DRD3: variants seen among roughly 807,000 people sequenced by gnomAD.
DRD3 encodes dopamine receptor D3.
A neutral mutation model predicts 36.3 loss-of-function variants in DRD3; 19 were observed. The ratio of observed to expected loss-of-function variants is 0.52; its 90% confidence interval spans 0.36 to 0.77. The LOEUF (loss-of-function observed/expected upper bound fraction) is 0.77. DRD3 is among the 30% of genes least tolerant of loss of function. The pLI is 0.00. For missense variants in DRD3, 465 were observed against 505.3 expected (o/e 0.92, Z 0.77); for synonymous variants, 195 against 203.7 (o/e 0.96, Z 0.36).
At chr3:114,133,737 C>A (rs1199345497) in intron 5 of DRD3, among the ~76,000 whole-genome samples, 1 of 7,176 alleles carries the variant, frequency 1.4e-4, no homozygotes, top group Admixed American at 4.1e-3. Context: ...ACTTGAACTT[C>A]TTTTCATGTT....
chr3:114,164,022 A>T (rs1577610786), intron 2 of DRD3, among the ~76,000 whole-genome samples: 1 of 151,886 alleles, frequency 6.6e-6, no homozygotes. Context: ...GGAGTTCGAG[A>T]CCAGCCTGGC....
intron 2 of DRD3, among the ~76,000 whole-genome samples, chr3:114,170,244 TAG>T (rs1559997418): frequency 6.6e-6 from 1 of 152,176 alleles, no homozygotes; most frequent in East Asian, 1.9e-4. Context: ...TAACAATAGA[TAG>T]AGAGGCAGAT....
rs1244408677 is a variant in DRD3, at chr3:114,139,793, T to A, written c.527-97A>T. 4 of 1,162,150 alleles carry A rather than the reference T, an allele frequency of 3.4e-6. No homozygotes were observed. In the East Asian group the frequency reaches 7.3e-5, roughly 21 times the overall value. 72.0% of individuals were successfully genotyped at this position (1,162,150 alleles called of 1,614,324 possible). A position where few individuals can be genotyped will look rare whatever the true frequency, so the allele number is the denominator to read the frequency against. On this transcript the variant is annotated intron_variant, in intron 4 of 6. Coordinates refer to ENST00000383673, the MANE Select transcript of DRD3 (RefSeq NM_000796.6). ...TCCATGTCACGTGTGGTGCCTGCAC[T>A]TTCTGCTGCACAGGGGGTGGGAAGG...
intron 5 of DRD3, among the ~76,000 whole-genome samples, chr3:114,131,680 T>C (rs1429968488): frequency 1.3e-5 from 2 of 152,042 alleles, no homozygotes; most frequent in African/African-American, 4.8e-5. Flanking sequence ...CTGACAAAGG[T>C]CTAATATCCA....
Position 114,172,029 on chromosome 3 carries a change from T to C in DRD3, c.-35-2A>G. 7.2e-7 allele frequency: 1 copy of C among 1,391,008 alleles called. No individual in the cohort carries two copies. The highest frequency in any genetic ancestry group is 1.8e-5 in the South Asian group (1 of 55,726). The allele number at this position is 1,391,008 out of a possible 1,614,324, so 86.2% of individuals were successfully genotyped here. ...AGGTGCGTGATGCCAAGGGGCTTCC[T>C]GTGAGGAGACAGAAAACAATATTAA... On this transcript the variant is annotated splice_acceptor_variant, in intron 1 of 6. Transcript: ENST00000383673. LOFTEE classifies it low-confidence loss of function (5UTR_SPLICE).
intron 3 of DRD3, among the ~76,000 whole-genome samples, chr3:114,151,487 C>T (rs897806528): frequency 9.9e-5 from 15 of 152,148 alleles, no homozygotes; most frequent in African/African-American, 3.4e-4. Flanking sequence ...CCCACCATGG[C>T]CTATTTTAAG....
chr3:114,160,126 C>T (rs900451246), intron 2 of DRD3, among the ~76,000 whole-genome samples: 1 of 152,220 alleles, frequency 6.6e-6, no homozygotes, highest in African/African-American at 2.4e-5. Flanking sequence ...TCCAGTGATT[C>T]TCAAAGTGTG....
chr3:114,130,903 C>T (rs571382595), intron 6 of DRD3, among the ~76,000 whole-genome samples: 13 of 152,242 alleles, frequency 8.5e-5, no homozygotes, highest in East Asian at 1.9e-4. Context: ...TAATGGACAG[C>T]GCAGTTAAGT....
intron 2 of DRD3, among the ~76,000 whole-genome samples, chr3:114,169,183 C>G (rs565978706): frequency 6.6e-6 from 1 of 151,856 alleles, no homozygotes; most frequent in African/African-American, 2.4e-5. Context: ...ATTTTAAGGG[C>G]TCAAAGTGCT....
At chr3:114,169,617 C>A (rs529376624) in intron 2 of DRD3, among the ~76,000 whole-genome samples, 2 of 152,060 alleles carry the variant, frequency 1.3e-5, no homozygotes, top group South Asian at 2.1e-4. Context: ...CAGAGCTGTT[C>A]TCATGGAAGA....
chr3:114,165,987 ATTTTT>A (rs57837932), intron 2 of DRD3, among the ~76,000 whole-genome samples: 2 of 112,388 alleles, frequency 1.8e-5, no homozygotes. Flanking sequence ...AACAGTTTGT[ATTTTT>A]TTTTTTTTTT....
At chr3:114,142,698 AATGTTTTATGTG>A in intron 4 of DRD3, among the ~76,000 whole-genome samples, 1 of 151,888 alleles carries the variant, frequency 6.6e-6, no homozygotes, top group Non-Finnish European at 1.5e-5. Flanking sequence ...GCACCTTATG[AATGTTTTATGTG>A]CAAGCATTTA....
intron 1 of DRD3, among the ~76,000 whole-genome samples, chr3:114,194,999 C>T (rs60342811): frequency 0.045 from 6,887 of 152,204 alleles, 206 homozygotes; most frequent in Middle Eastern, 0.078. Context: ...GGAAATTCCC[C>T]CAGGCAGGTA....
chr3:114,176,570 A>G (rs1432973552), intron 1 of DRD3, among the ~76,000 whole-genome samples: 3 of 152,064 alleles, frequency 2.0e-5, no homozygotes, highest in Non-Finnish European at 2.9e-5. Flanking sequence ...GTGCCACTGC[A>G]CTCCAGCCTG....
chr3:114,175,577 A>G (rs1417228851), intron 1 of DRD3, among the ~76,000 whole-genome samples: 2 of 152,236 alleles, frequency 1.3e-5, no homozygotes, highest in Non-Finnish European at 2.9e-5. Flanking sequence ...TCCACAACTC[A>G]TCAGAAACTA....
chr3:114,163,624 G>C (rs959976394), intron 2 of DRD3, among the ~76,000 whole-genome samples: 19 of 152,156 alleles, frequency 1.2e-4, no homozygotes, highest in African/African-American at 4.6e-4. Flanking sequence ...TATCATAGGA[G>C]GTAGAAGAGT....
At chr3:114,128,968 A>T in intron 6 of DRD3, 56 bp from the exon 7 acceptor site, 1 of 1,474,388 alleles carries the variant, frequency 6.8e-7, no homozygotes, top group Non-Finnish European at 9.1e-7. Context: ...TCCTTTTGTT[A>T]TAACATGAGA....
chr3:114,141,880 T>C (rs924707283), intron 4 of DRD3, among the ~76,000 whole-genome samples: 3 of 151,260 alleles, frequency 2.0e-5, no homozygotes, highest in Non-Finnish European at 4.4e-5. Flanking sequence ...TGAAACCACG[T>C]CTCTACTAAA....
At chr3:114,189,966 A>G (rs1042707034) in intron 1 of DRD3, among the ~76,000 whole-genome samples, 1 of 152,182 alleles carries the variant, frequency 6.6e-6, no homozygotes, top group African/African-American at 2.4e-5. Context: ...CATCAGAGAC[A>G]GGTTGGAAAG....
Sources: gnomAD v4.1 joint callset for allele counts (sites outside exome capture counted in the v4.1 genomes callset) on GRCh38, gnomAD v4.1.1 for gene constraint, MANE v1.5 for transcripts, NCBI Gene and HGNC (gene_info 2026-07-23, HGNC 2026-07-21) for gene names.